The following SMYD3 variants were observed in gnomAD, a reference collection of about 807,000 sequenced individuals.
SMYD3 encodes histone-lysine N-methyltransferase SMYD3.
SMYD3 carries 36 observed loss-of-function variants against 57.7 expected under a neutral mutation model. The observed-to-expected ratio is 0.62, with a 90% confidence interval of 0.48 to 0.82. The LOEUF is 0.82. Among genes scored for constraint, SMYD3 ranks in the 40% least tolerant of loss-of-function variants. SMYD3 has a pLI of 0.00. For synonymous variants in SMYD3, 211 were observed against 195.0 expected (o/e 1.08, Z -0.68); for missense variants, 515 against 538.8 (o/e 0.96, Z 0.44).
intron 5 of SMYD3, among the ~76,000 whole-genome samples, chr1:246,239,535 C>T (rs559724031): frequency 6.6e-6 from 1 of 152,174 alleles, no homozygotes; most frequent in Non-Finnish European, 1.5e-5. Flanking sequence ...ATTGTGAATA[C>T]TGCCGCAATA....
chr1:246,390,906 G>A (rs963835093), intron 1 of SMYD3, among the ~76,000 whole-genome samples: 4 of 151,856 alleles, frequency 2.6e-5, no homozygotes, highest in South Asian at 2.1e-4. Context: ...GAATTAAAAC[G>A]GTACACTCCA....
intron 5 of SMYD3, among the ~76,000 whole-genome samples, chr1:246,131,730 T>C (rs991131262): frequency 6.6e-6 from 1 of 152,220 alleles, no homozygotes; most frequent in Non-Finnish European, 1.5e-5. Flanking sequence ...ATTTATGCAA[T>C]GATAAAGTCT....
intron 5 of SMYD3, among the ~76,000 whole-genome samples, chr1:246,087,112 C>G (rs894354317): frequency 2.0e-5 from 3 of 152,280 alleles, no homozygotes; most frequent in Non-Finnish European, 4.4e-5. Flanking sequence ...CACCAAAGCT[C>G]CTCTATCTGG....
intron 5 of SMYD3, among the ~76,000 whole-genome samples, chr1:246,114,425 G>C (rs960866109): frequency 6.6e-6 from 1 of 152,216 alleles, no homozygotes; most frequent in Non-Finnish European, 1.5e-5. Flanking sequence ...CAATTGTTCT[G>C]AGAGACAGCT....
At chr1:246,219,731 C>T (rs1165172973) in intron 5 of SMYD3, among the ~76,000 whole-genome samples, 18 of 152,172 alleles carry the variant, frequency 1.2e-4, no homozygotes. Context: ...TGGTCACAGG[C>T]ACTCCCAGCC....
chr1:245,910,092 A>C (rs1196259520), intron 8 of SMYD3, among the ~76,000 whole-genome samples: 1 of 152,174 alleles, frequency 6.6e-6, no homozygotes, highest in Non-Finnish European at 1.5e-5. Flanking sequence ...TGTTAAACTG[A>C]TAAATTCAGT....
At chr1:246,217,590 T>C (rs776450359) in intron 5 of SMYD3, among the ~76,000 whole-genome samples, 12 of 152,242 alleles carry the variant, frequency 7.9e-5, no homozygotes, top group South Asian at 2.1e-4. Flanking sequence ...AAGTATTATA[T>C]TGCTGAATCA....
chr1:246,449,218 A>G (rs1572511301), intron 1 of SMYD3, among the ~76,000 whole-genome samples: 1 of 152,234 alleles, frequency 6.6e-6, no homozygotes, highest in East Asian at 1.9e-4. Flanking sequence ...TCAACAGAGC[A>G]AGAGCCTATC....
intron 7 of SMYD3, among the ~76,000 whole-genome samples, chr1:245,927,563 C>A (rs1245995556): frequency 6.6e-6 from 1 of 152,068 alleles, no homozygotes; most frequent in Non-Finnish European, 1.5e-5. Context: ...GGGATGCCCC[C>A]CCCTGCCCAC....
intron 5 of SMYD3, among the ~76,000 whole-genome samples, chr1:246,167,718 C>G (rs1045735401): frequency 2.0e-5 from 3 of 152,020 alleles, no homozygotes; most frequent in Non-Finnish European, 4.4e-5. Context: ...TCCACGTTGG[C>G]CAGGCTGGTC....
chr1:246,234,292 T>C (rs1298132703), intron 5 of SMYD3, among the ~76,000 whole-genome samples: 1 of 145,338 alleles, frequency 6.9e-6, no homozygotes, highest in Non-Finnish European at 1.5e-5. Context: ...GTGATGAACA[T>C]ACACCAGAGG....
At chr1:245,793,655 C>A (rs2047398696) in intron 10 of SMYD3, among the ~76,000 whole-genome samples, 1 of 151,748 alleles carries the variant, frequency 6.6e-6, no homozygotes, top group African/African-American at 2.4e-5. Context: ...GCCCCCCCAA[C>A]TGCCCTCACC....
intron 5 of SMYD3, among the ~76,000 whole-genome samples, chr1:246,081,737 T>C (rs557742917): frequency 2.3e-4 from 35 of 152,228 alleles, no homozygotes; most frequent in African/African-American, 8.2e-4. Flanking sequence ...CAGCTCAGGA[T>C]TGAATACATC....
At chr1:245,873,945 T>C (rs1489329480) in intron 8 of SMYD3, among the ~76,000 whole-genome samples, 1 of 152,172 alleles carries the variant, frequency 6.6e-6, no homozygotes, top group African/African-American at 2.4e-5. Context: ...GAGAACTACA[T>C]TAGGGTTACC....
In SMYD3 at chr1:245,792,321, T is replaced by TA. The variant is rs572710052; in HGVS notation, c.1077-28173dup. On this transcript the variant is annotated intron_variant, in intron 10 of 11. Transcript: ENST00000490107. ...CAGAACTTAAATATAATAATTGGCC[T>TA]AAGCCACATAGCTAGTACACTGCAA... 2.6e-5 allele frequency among the ~76,000 whole-genome samples: 4 copies of TA among 152,334 alleles called. No homozygotes were observed. In the East Asian group the frequency reaches 7.7e-4, roughly 29 times the overall value.
chr1:246,100,757 A>G (rs999454556), intron 5 of SMYD3, among the ~76,000 whole-genome samples: 1 of 152,162 alleles, frequency 6.6e-6, no homozygotes, highest in Non-Finnish European at 1.5e-5. Context: ...TCTCCAGAGG[A>G]CGATCCACAG....
intron 1 of SMYD3, among the ~76,000 whole-genome samples, chr1:246,442,472 T>A (rs2067485220): frequency 6.6e-6 from 1 of 151,858 alleles, no homozygotes; most frequent in South Asian, 2.1e-4. Flanking sequence ...TGCTTGAACC[T>A]GGGAGGCAGA....
At position 245,879,033 on chromosome 1, in the gene SMYD3, T is replaced by C. The variant is rs186454759; in HGVS notation, c.814-15147A>G. Among the ~76,000 whole-genome samples the C allele has an allele frequency of 1.6e-4, 24 of 152,340 alleles. No individual in the cohort carries two copies. In the East Asian group the frequency reaches 3.9e-3, roughly 24 times the overall value. ...TGTTATTTCTTTAATCTAGGTTTCA[T>C]GTTAACACATCTGAGAACCGCTTGC... On this transcript the variant is annotated intron_variant, in intron 8 of 11. Coordinates refer to ENST00000490107, the MANE Select transcript of SMYD3 (RefSeq NM_001167740.2).
At chr1:245,822,228 TG>T (rs1272333852) in intron 10 of SMYD3, among the ~76,000 whole-genome samples, 1 of 151,864 alleles carries the variant, frequency 6.6e-6, no homozygotes, top group African/African-American at 2.4e-5. Flanking sequence ...TACAAAATGA[TG>T]AGTTCATGTC....
Sources: allele counts gnomAD v4.1 joint callset (sites outside exome capture counted in the v4.1 genomes callset), GRCh38; gene constraint gnomAD v4.1.1; transcripts MANE v1.5; gene names NCBI Gene and HGNC (gene_info 2026-07-23, HGNC 2026-07-21).